Variants in FAM193A observed in about 807,000 individuals in gnomAD.
FAM193A encodes protein FAM193A.
Under a neutral mutation model 126.5 loss-of-function variants are expected in FAM193A, and 22 were observed. The ratio of observed to expected loss-of-function variants is 0.17; its 90% CI spans 0.12 to 0.25. The LOEUF is 0.25. Among genes scored for constraint, FAM193A ranks in the 10% least tolerant of loss-of-function variants. FAM193A has a pLI of 1.00. For missense variants in FAM193A, 1,675 were observed against 1,672.8 expected (o/e 1.00, Z -0.02); for synonymous variants, 761 against 646.8 (o/e 1.18, Z -2.68).
intron 1 of FAM193A, among the ~76,000 whole-genome samples, chr4:2,547,404 TAATAAC>T (rs1202983949): frequency 1.3e-5 from 2 of 151,822 alleles, no homozygotes; most frequent in East Asian, 1.9e-4. Context: ...CAAAAAATAA[TAATAAC>T]AATAATAATA....
At chr4:2,671,797 C>G (rs909396155) in intron 12 of FAM193A, among the ~76,000 whole-genome samples, 1 of 152,238 alleles carries the variant, frequency 6.6e-6, no homozygotes, top group Admixed American at 6.5e-5. Flanking sequence ...CCTCTCTACT[C>G]TGTCGTCTTC....
chr4:2,632,566 A>G (rs193119317), intron 5 of FAM193A, among the ~76,000 whole-genome samples: 1 of 152,216 alleles, frequency 6.6e-6, no homozygotes, highest in African/African-American at 2.4e-5. Flanking sequence ...AGAAAAAATT[A>G]CATACATGTA....
intron 1 of FAM193A, among the ~76,000 whole-genome samples, chr4:2,590,511 AAAAAACAAAACAAAAT>A (rs1740505817): frequency 4.7e-5 from 6 of 128,674 alleles, no homozygotes; most frequent in African/African-American, 1.9e-4. Flanking sequence ...AAAAACAAAA[AAAAAACAAAACAAAAT>A]TAAAAAACAG....
At chr4:2,540,033 G>A (rs183211394) in intron 1 of FAM193A, among the ~76,000 whole-genome samples, 1 of 151,608 alleles carries the variant, frequency 6.6e-6, no homozygotes, top group East Asian at 2.0e-4. Context: ...CAGGAGAATT[G>A]CTTGAACCTG....
intron 1 of FAM193A, among the ~76,000 whole-genome samples, chr4:2,552,063 G>A (rs146873274): frequency 0.028 from 4,098 of 146,802 alleles, 207 homozygotes; most frequent in African/African-American, 0.098. Context: ...CCAGCCTGGA[G>A]TGCAGTGGCT....
intron 19 of FAM193A, among the ~76,000 whole-genome samples, chr4:2,714,633 C>T (rs1719348247): frequency 1.3e-5 from 2 of 152,094 alleles, no homozygotes; most frequent in African/African-American, 4.8e-5. Flanking sequence ...TCCTAAGTGA[C>T]ATGTCTGTGA....
chr4:2,692,440 A>G (rs1426242070), intron 15 of FAM193A, among the ~76,000 whole-genome samples: 1 of 152,280 alleles, frequency 6.6e-6, no homozygotes, highest in East Asian at 1.9e-4. Flanking sequence ...ACCAAACCCT[A>G]TCACTGGGTA....
At chr4:2,654,478 T>C (rs1745979950) in intron 7 of FAM193A, 1 of 150,850 alleles carries the variant, frequency 6.6e-6, no homozygotes, top group Non-Finnish European at 1.5e-5. Flanking sequence ...ATGTTTGCTG[T>C]CTGAAATTCA....
chr4:2,625,971 G>A (rs2285082), intron 3 of FAM193A, among the ~76,000 whole-genome samples: 49,466 of 151,898 alleles, frequency 0.33, 9,546 homozygotes, highest in Admixed American at 0.52. Context: ...CGATTAGCCC[G>A]TCTTCACCTC....
intron 2 of FAM193A, chr4:2,608,084 C>G: frequency 6.2e-7 from 1 of 1,609,802 alleles, no homozygotes; most frequent in Non-Finnish European, 8.5e-7. Context: ...CGGCCTGATT[C>G]ACTCCCAGAT....
intron 12 of FAM193A, among the ~76,000 whole-genome samples, chr4:2,665,878 G>A (rs938539162): frequency 2.0e-5 from 3 of 151,618 alleles, no homozygotes; most frequent in African/African-American, 7.3e-5. Context: ...ACGGAGTCTC[G>A]CTCTGTTGCC....
At position 2,584,171 on chromosome 4, in the gene FAM193A, A is replaced by G. The variant is rs374109412; in HGVS notation, c.256-11913A>G. Among the ~76,000 whole-genome samples the G allele has an allele frequency of 9.9e-5, 15 of 152,118 alleles. No homozygotes were observed. In the East Asian group the frequency reaches 1.9e-3, roughly 20 times the overall value. ...TGAAGTTGGAGGTGTCCCCCACTCCATATTCATATCCAGTTGTGTACCATT... is the reference window on the plus strand; with the variant it reads ...TGAAGTTGGAGGTGTCCCCCACTCCGTATTCATATCCAGTTGTGTACCATT... On this transcript the variant is annotated intron_variant, in intron 1 of 20. Coordinates refer to ENST00000637812, the MANE Select transcript of FAM193A (RefSeq NM_001366318.2).
At chr4:2,579,437 C>T (rs1364499897) in intron 1 of FAM193A, among the ~76,000 whole-genome samples, 1 of 152,140 alleles carries the variant, frequency 6.6e-6, no homozygotes, top group Admixed American at 6.5e-5. Flanking sequence ...GTGGCTCACA[C>T]CTGTAATCCC....
At position 2,696,577 on chromosome 4, in the gene FAM193A, G is replaced by A; in HGVS notation, c.3491G>A (p.Arg1164Lys). Reference protein sequence around the residue: ...VSSTRAAKRARHKQRKLEEKA... With the variant: ...VSSTRAAKRAKHKQRKLEEKA... ...AGCACGCGTGCAGCGAAGCGAGCAA[G>A]GCATAAGCAAAGGAAGGCAAGTGAC... The change falls in exon 18 of 21, where the codon AGG becomes AAG. Residue 1164 changes from arginine (R) to lysine (K), a missense_variant. Physicochemically the swap from Arg to Lys is conservative, Grantham distance 26. Coordinates refer to ENST00000637812, the MANE Select transcript of FAM193A (RefSeq NM_001366318.2). 1 of 1,614,082 alleles carries A rather than the reference G, an allele frequency of 6.2e-7. No homozygotes were observed. The highest frequency in any genetic ancestry group is 8.5e-7 in the Non-Finnish European group (1 of 1,179,942).
chr4:2,711,083 A>C (rs1718914640), intron 19 of FAM193A, among the ~76,000 whole-genome samples: 1 of 149,030 alleles, frequency 6.7e-6, no homozygotes, highest in Non-Finnish European at 1.5e-5. Flanking sequence ...CGATCTCCTG[A>C]CCTTGTGATC....
chr4:2,568,932 TG>T (rs1739125290), intron 1 of FAM193A, among the ~76,000 whole-genome samples: 1 of 151,650 alleles, frequency 6.6e-6, no homozygotes, highest in Non-Finnish European at 1.5e-5. Flanking sequence ...TTAACACTAG[TG>T]TGGTTACTCA....
chr4:2,674,182 A>G (rs1212728166), intron 13 of FAM193A, among the ~76,000 whole-genome samples: 1 of 152,208 alleles, frequency 6.6e-6, no homozygotes, highest in East Asian at 1.9e-4. Flanking sequence ...AAAATACTTC[A>G]TTTGCATCTG....
intron 12 of FAM193A, 28 bp downstream of exon 12, chr4:2,663,316 G>A (rs953441756): frequency 6.6e-6 from 10 of 1,520,780 alleles, no homozygotes; most frequent in African/African-American, 1.4e-5. Context: ...GTTTTGCCAA[G>A]GATCTCTTTT....
chr4:2,655,631 G>C (rs1256348428), intron 7 of FAM193A, among the ~76,000 whole-genome samples: 1 of 152,088 alleles, frequency 6.6e-6, no homozygotes. Flanking sequence ...GCACATGCCA[G>C]TGTGCCAGCT....
Sources: gnomAD v4.1 joint callset for allele counts (sites outside exome capture counted in the v4.1 genomes callset) on GRCh38, gnomAD v4.1.1 for gene constraint, MANE v1.5 for transcripts, NCBI Gene and HGNC (gene_info 2026-07-23, HGNC 2026-07-21) for gene names.